Variants in IL34 observed in about 807,000 individuals in gnomAD.
IL34 encodes interleukin 34.
In IL34, 17 loss-of-function variants were observed where a neutral mutation model predicts 25.3. The observed-to-expected ratio is 0.67, with a 90% CI of 0.46 to 1.01. The LOEUF (loss-of-function observed/expected upper bound fraction) is 1.01. Ranked by LOEUF, IL34 falls within the 50% of genes least tolerant of loss-of-function variation. The probability of loss-of-function intolerance (pLI) is 0.00; values close to 1 mark genes in which losing one functional copy is unlikely to be tolerated. For synonymous variants in IL34, 174 were observed against 140.9 expected (o/e 1.23, Z -1.66); for missense variants, 368 against 312.9 (o/e 1.18, Z -1.33).
chr16:70,603,654 C>A (rs2050954430), intron 1 of IL34, among the ~76,000 whole-genome samples: 1 of 152,176 alleles, frequency 6.6e-6, no homozygotes, highest in South Asian at 2.1e-4. Context: ...CTCACTGTAG[C>A]CTCAATGTCC....
At chr16:70,619,228 G>T (rs912620147) in intron 1 of IL34, among the ~76,000 whole-genome samples, 8 of 152,148 alleles carry the variant, frequency 5.3e-5, no homozygotes, top group African/African-American at 1.9e-4. Context: ...CGTTGAGTGG[G>T]GTAAGGGTGA....
At chr16:70,593,502 A>T (rs568043961) in intron 1 of IL34, among the ~76,000 whole-genome samples, 1 of 152,052 alleles carries the variant, frequency 6.6e-6, no homozygotes, top group Non-Finnish European at 1.5e-5. Context: ...AAGATTTCTT[A>T]GTACCTAGTT....
In IL34 at chr16:70,656,956, G is replaced by T. The variant is rs201477178; in HGVS notation, c.241-4G>T. On this transcript the variant is annotated splice_region_variant and splice_polypyrimidine_tract_variant and intron_variant, in intron 3 of 5. Coordinates refer to ENST00000288098, the MANE Select transcript of IL34 (RefSeq NM_001393494.1). ...GAGTTGCAGTGACTTCCCTGTTTCCGCAGCAGAGGGCCCAGGTGAGCGAGC... is the reference window on the plus strand; with the variant it reads ...GAGTTGCAGTGACTTCCCTGTTTCCTCAGCAGAGGGCCCAGGTGAGCGAGC... The T allele has an allele frequency of 6.2e-7, 1 of 1,602,118 alleles. No individual in the cohort carries two copies. Among genetic ancestry groups the T allele is most frequent in the South Asian group, 1.1e-5 (1 of 89,778 alleles).
intron 1 of IL34, among the ~76,000 whole-genome samples, chr16:70,601,133 G>T (rs566330274): frequency 7.2e-5 from 11 of 152,226 alleles, no homozygotes; most frequent in African/African-American, 2.6e-4. Flanking sequence ...GGGGAGTGCT[G>T]GGAAAGGAGG....
At chr16:70,588,300 C>T (rs2050716727) in intron 1 of IL34, among the ~76,000 whole-genome samples, 2 of 151,952 alleles carry the variant, frequency 1.3e-5, no homozygotes, top group African/African-American at 4.8e-5. Flanking sequence ...CCAAGACCAG[C>T]CTGGCCAACA....
chr16:70,593,083 C>T (rs8062231), intron 1 of IL34, among the ~76,000 whole-genome samples: 15,305 of 151,964 alleles, frequency 0.1, 1,879 homozygotes, highest in African/African-American at 0.27. Context: ...TGTGTCAGCC[C>T]CCTAAAGTGC....
chr16:70,582,316 G>A (rs1441755258), intron 1 of IL34, among the ~76,000 whole-genome samples: 1 of 152,208 alleles, frequency 6.6e-6, no homozygotes, highest in Non-Finnish European at 1.5e-5. Context: ...CACCCTCCTC[G>A]ACATGCAGGT....
rs200144613 is a variant in IL34, at chr16:70,660,109, G to A, written c.651G>A (p.Pro217=). The change falls in exon 6 of 6, where the codon CCG becomes CCA. Residue 217 remains proline (P), a synonymous_variant. Transcript: ENST00000288098. Reference sequence around the variant, plus strand: ...CCACCCAGCTGTACCCTCCGCCCCCGTGGTCCCCCAGCTCCCCGCCTCACT... The same window carrying A: ...CCACCCAGCTGTACCCTCCGCCCCCATGGTCCCCCAGCTCCCCGCCTCACT... The part of the protein sequence containing the change: ...YAATQLYPPP[P]WSPSSPPHST... 2.2e-5 allele frequency: 36 copies of A among 1,613,202 alleles called. No homozygotes were observed. The highest frequency in any genetic ancestry group is 3.3e-5 in the Admixed American group (2 of 59,908).
chr16:70,648,712 C>A (rs1018911769), intron 1 of IL34, among the ~76,000 whole-genome samples: 1 of 151,880 alleles, frequency 6.6e-6, no homozygotes, highest in Non-Finnish European at 1.5e-5. Context: ...GGGCTGGTGC[C>A]CAGGGGCTGG....
chr16:70,618,224 T>G (rs12924709), intron 1 of IL34, among the ~76,000 whole-genome samples: 58,009 of 150,720 alleles, frequency 0.38, 11,499 homozygotes, highest in South Asian at 0.61. Flanking sequence ...TGGTGGAACC[T>G]CCATCAATAA....
At chr16:70,610,838 C>T (rs976088961) in intron 1 of IL34, among the ~76,000 whole-genome samples, 3 of 152,230 alleles carry the variant, frequency 2.0e-5, no homozygotes, top group Admixed American at 2.0e-4. Context: ...CCCCTCAAGC[C>T]TGCCGGGAAG....
intron 1 of IL34, among the ~76,000 whole-genome samples, chr16:70,632,946 T>A (rs907729881): frequency 2.0e-5 from 3 of 151,908 alleles, no homozygotes; most frequent in African/African-American, 7.3e-5. Context: ...TAAAATAAAA[T>A]TCTTACTTAA....
rs1251317310 is a variant in IL34 at position 70,659,820 on chromosome 16, C to CT, written c.538+68dup. The CT allele has an allele frequency of 2.4e-5, 37 of 1,537,896 alleles. No individual in the cohort carries two copies. In the African/African-American group the frequency reaches 4.0e-4, roughly 17 times the overall value. On this transcript the variant is annotated intron_variant, in intron 5 of 5. Coordinates refer to ENST00000288098, the MANE Select transcript of IL34 (RefSeq NM_001393494.1). ...AGGCATCTGGGCCCACCCAGGCCAG[C>CT]TGGCAGAGCTGGCGTCCTCCCGGGC...
In IL34 at chr16:70,660,145, G is replaced by A. The variant is rs192356278; in HGVS notation, c.687G>A (p.Ser229=). ...GCTCCCCGCCTCACTCCACGGGCTC[G>A]GTGAGGCCGGTCAGGGCACAGGGCG... ...SPSSPPHSTG[S]VRPVRAQGEG... Residue 229 remains serine, a synonymous_variant, in exon 6 of 6, where the codon TCG becomes TCA. Transcript: ENST00000288098. The A allele has an allele frequency of 3.4e-5, 54 of 1,608,552 alleles. 1 individual carries two copies. The highest frequency in any genetic ancestry group is 3.3e-4 in the Middle Eastern group (2 of 6,044).
intron 1 of IL34, among the ~76,000 whole-genome samples, chr16:70,587,427 G>A (rs1178668344): frequency 1.3e-5 from 2 of 151,948 alleles, no homozygotes; most frequent in African/African-American, 4.8e-5. Context: ...CCGCCACCAC[G>A]CCCAGCTAAT....
intron 1 of IL34, among the ~76,000 whole-genome samples, chr16:70,647,308 G>A (rs1567462772): frequency 1.3e-5 from 2 of 152,160 alleles, no homozygotes; most frequent in African/African-American, 4.8e-5. Flanking sequence ...GGCAGCAGCG[G>A]CCCAGTCCTG....
At chr16:70,593,110 A>G (rs2050776104) in intron 1 of IL34, among the ~76,000 whole-genome samples, 1 of 152,116 alleles carries the variant, frequency 6.6e-6, no homozygotes, top group Non-Finnish European at 1.5e-5. Context: ...TACAGGCATG[A>G]GCTACTGCGC....
At chr16:70,602,630 T>TGTGTGTGTGTGTGTG (rs1597740983) in intron 1 of IL34, among the ~76,000 whole-genome samples, 1 of 151,040 alleles carries the variant, frequency 6.6e-6, no homozygotes, top group African/African-American at 2.4e-5. Context: ...TGTGTTTGTG[T>TGTGTGTGTGTGTGTG]TGGGCGAGGG....
At chr16:70,585,669 A>T (rs575078028) in intron 1 of IL34, among the ~76,000 whole-genome samples, 1 of 151,146 alleles carries the variant, frequency 6.6e-6, no homozygotes, top group South Asian at 2.1e-4. Context: ...AGCCTAGGTG[A>T]CAGAGGGAGA....
Sources: gnomAD v4.1 joint callset for allele counts (sites outside exome capture counted in the v4.1 genomes callset) on GRCh38, gnomAD v4.1.1 for gene constraint, MANE v1.5 for transcripts, NCBI Gene and HGNC (gene_info 2026-07-23, HGNC 2026-07-21) for gene names.